The following BANF2 variants were observed in gnomAD, a reference collection of about 807,000 sequenced individuals.
BANF2 encodes the protein barrier-to-autointegration factor-like protein.
A neutral mutation model predicts 8.0 loss-of-function variants in BANF2; 4 were observed. That is an observed-to-expected ratio of 0.50 (90% CI 0.25 to 1.14). The LOEUF (loss-of-function observed/expected upper bound fraction) is 1.14, where lower values mean the gene tolerates loss of function less well. BANF2 is among the 50% of genes most tolerant of loss of function. The pLI is 0.16. For missense variants in BANF2, 96 were observed against 107.5 expected, an observed-to-expected ratio of 0.89 and a Z score of 0.47; for synonymous variants, 50 against 40.6, an observed-to-expected ratio of 1.23 and a Z score of -0.88.
chr20:17,694,386 A>G (rs1474298391), intron 1 of BANF2, among the ~76,000 whole-genome samples: 1 of 152,144 alleles, frequency 6.6e-6, no homozygotes, highest in Non-Finnish European at 1.5e-5. Flanking sequence ...TTCTAGGTGC[A>G]GGGATCAGCA....
intron 1 of BANF2, among the ~76,000 whole-genome samples, chr20:17,714,030 A>AC: frequency 6.6e-6 from 1 of 151,484 alleles, no homozygotes; most frequent in African/African-American, 2.4e-5. Flanking sequence ...ACATGATGAA[A>AC]CCCCGTCTCT....
intron 1 of BANF2, among the ~76,000 whole-genome samples, chr20:17,701,660 C>G (rs951223578): frequency 2.6e-5 from 4 of 152,166 alleles, no homozygotes; most frequent in African/African-American, 9.7e-5. Flanking sequence ...CTTTGCCCAC[C>G]CTCTGCGATT....
chr20:17,710,588 G>A (rs1441534200), intron 1 of BANF2, among the ~76,000 whole-genome samples: 1 of 152,090 alleles, frequency 6.6e-6, no homozygotes, highest in Non-Finnish European at 1.5e-5. Flanking sequence ...TTCTAGTCCC[G>A]GGGTGAGCCC....
At chr20:17,715,083 T>C (rs2037631266) in intron 1 of BANF2, among the ~76,000 whole-genome samples, 1 of 152,198 alleles carries the variant, frequency 6.6e-6, no homozygotes, top group Admixed American at 6.5e-5. Flanking sequence ...ACAGGCCCAA[T>C]GTCGCTCTGC....
intron 3 of BANF2, chr20:17,731,352 A>C (rs2037891112): frequency 6.6e-6 from 1 of 152,116 alleles, no homozygotes; most frequent in Admixed American, 6.6e-5. Context: ...GAATCAAAGA[A>C]AGTTGTGTCA....
chr20:17,698,034 A>G (rs1031049913), upstream of BANF2, among the ~76,000 whole-genome samples: 28 of 151,956 alleles, frequency 1.8e-4, no homozygotes, highest in African/African-American at 4.4e-4. Flanking sequence ...GTGAAACCCC[A>G]TCTCTACTAA....
At chr20:17,709,029 G>A (rs1485250138) in intron 1 of BANF2, among the ~76,000 whole-genome samples, 1 of 152,228 alleles carries the variant, frequency 6.6e-6, no homozygotes, top group Non-Finnish European at 1.5e-5. Context: ...ATCAATGAAA[G>A]CAATGACAAT....
chr20:17,701,302 C>G (rs1164773207), intron 1 of BANF2, among the ~76,000 whole-genome samples: 1 of 152,194 alleles, frequency 6.6e-6, no homozygotes, highest in Non-Finnish European at 1.5e-5. Context: ...CTGAACCTCC[C>G]GTGCCAGACC....
At chr20:17,694,949 C>T (rs1239899392), upstream of BANF2, among the ~76,000 whole-genome samples, 1 of 151,900 alleles carries the variant, frequency 6.6e-6, no homozygotes, top group Non-Finnish European at 1.5e-5. Context: ...ATACACTATC[C>T]TAATTCAATC....
intron 1 of BANF2, among the ~76,000 whole-genome samples, chr20:17,718,553 A>G (rs1399175205): frequency 6.6e-5 from 10 of 152,178 alleles, no homozygotes; most frequent in Non-Finnish European, 1.0e-4. Flanking sequence ...GAATCCATGT[A>G]TAGTGTCCCC....
At chr20:17,710,218 C>T (rs1172376538) in intron 1 of BANF2, among the ~76,000 whole-genome samples, 2 of 152,208 alleles carry the variant, frequency 1.3e-5, no homozygotes, top group Non-Finnish European at 2.9e-5. Context: ...CCATGGAAAC[C>T]ATGAGCCCTG....
chr20:17,707,733 C>G (rs1294670551), intron 1 of BANF2, among the ~76,000 whole-genome samples: 1 of 151,914 alleles, frequency 6.6e-6, no homozygotes, highest in African/African-American at 2.4e-5. Flanking sequence ...GCATGTGCCA[C>G]CACACCCGGC....
intron 3 of BANF2, among the ~76,000 whole-genome samples, chr20:17,729,297 C>A (rs1159484242): frequency 2.0e-5 from 3 of 152,218 alleles, no homozygotes; most frequent in African/African-American, 7.2e-5. Flanking sequence ...TGGAGCCTCT[C>A]TTGAAATGGG....
At chr20:17,720,562 A>T (rs989219070) in intron 1 of BANF2, among the ~76,000 whole-genome samples, 1 of 152,182 alleles carries the variant, frequency 6.6e-6, no homozygotes, top group Non-Finnish European at 1.5e-5. Flanking sequence ...ACACAGTTCC[A>T]CTTATATGTA....
chr20:17,705,044 C>T (rs1369055608), intron 1 of BANF2, among the ~76,000 whole-genome samples: 1 of 152,046 alleles, frequency 6.6e-6, no homozygotes, highest in Non-Finnish European at 1.5e-5. Flanking sequence ...GATGTGTTAC[C>T]TCATTGGCCA....
At chr20:17,714,929 A>T (rs1196145275) in intron 1 of BANF2, among the ~76,000 whole-genome samples, 1 of 152,206 alleles carries the variant, frequency 6.6e-6, no homozygotes, top group Non-Finnish European at 1.5e-5. Context: ...TTTGGATATG[A>T]AAATGGTAGC....
chr20:17,695,756 C>T (rs562951239), upstream of BANF2, among the ~76,000 whole-genome samples: 30 of 152,178 alleles, frequency 2.0e-4, 1 homozygote, highest in African/African-American at 6.7e-4. Flanking sequence ...TGTATACACC[C>T]GAGTAATCAT....
intron 1 of BANF2, among the ~76,000 whole-genome samples, chr20:17,708,551 TCAGTCAGCTACA>T (rs1474527997): frequency 1.1e-4 from 16 of 152,238 alleles, no homozygotes; most frequent in South Asian, 1.0e-3. Flanking sequence ...GTCTGGGACC[TCAGTCAGCTACA>T]CAGTCCATAG....
chr20:17,709,493 G>A (rs1253871292), intron 1 of BANF2, among the ~76,000 whole-genome samples: 1 of 152,202 alleles, frequency 6.6e-6, no homozygotes, highest in Non-Finnish European at 1.5e-5. Context: ...TGGAATGAAG[G>A]CAATGCTTAA....
Sources: allele counts gnomAD v4.1 joint callset (sites outside exome capture counted in the v4.1 genomes callset), GRCh38; gene constraint gnomAD v4.1.1; transcripts MANE v1.5; gene names NCBI Gene and HGNC (gene_info 2026-07-23, HGNC 2026-07-21).